The following PIWIL3 variants were observed in gnomAD, a reference collection of about 807,000 sequenced individuals.
The protein encoded by PIWIL3 is piwi-like protein 3.
Under a neutral mutation model 109.7 loss-of-function variants are expected in PIWIL3, and 101 were observed. The observed-to-expected ratio is 0.92, with a 90% CI of 0.78 to 1.09. PIWIL3 has a LOEUF of 1.09. Among genes scored for constraint, PIWIL3 ranks in the 50% least tolerant of loss-of-function variants. The pLI, the probability that PIWIL3 is intolerant of heterozygous loss-of-function variation, is 0.00. For missense variants in PIWIL3, 1,031 were observed against 1,072.6 expected, an observed-to-expected ratio of 0.96 and a Z score of 0.54; for synonymous variants, 373 against 376.4, an observed-to-expected ratio of 0.99 and a Z score of 0.10.
intron 4 of PIWIL3, among the ~76,000 whole-genome samples, chr22:24,757,079 CAAA>C (rs71189275): frequency 9.4e-4 from 86 of 91,718 alleles, no homozygotes; most frequent in African/African-American, 3.7e-3. Flanking sequence ...AACTCCGTCT[CAAA>C]AAAAAAAAAA....
chr22:24,767,226 C>T (rs1158363233), intron 1 of PIWIL3, among the ~76,000 whole-genome samples: 1 of 151,342 alleles, frequency 6.6e-6, no homozygotes, highest in Non-Finnish European at 1.5e-5. Flanking sequence ...AAAGCCTGAA[C>T]CTGCTAAGCA....
In PIWIL3 at chr22:24,719,275, G is replaced by T; in HGVS notation, c.*197C>A. The T allele has an allele frequency of 3.2e-6, 1 of 314,240 alleles. No individual in the cohort carries two copies. The allele number at this position is 314,240 out of a possible 1,614,324, so 19.5% of individuals were successfully genotyped here. A position where few individuals can be genotyped will look rare whatever the true frequency, so the allele number is the denominator to read the frequency against. ...GGAAACTGCAAGCCAAACCCTGTCA[G>T]TTCTCCTCTCTGGAAAAATCAGTCT... On this transcript the variant is annotated 3_prime_UTR_variant, in exon 21 of 21. Transcript: ENST00000616349.
intron 14 of PIWIL3, among the ~76,000 whole-genome samples, chr22:24,732,729 A>T (rs1468081853): frequency 6.6e-6 from 1 of 152,206 alleles, no homozygotes; most frequent in African/African-American, 2.4e-5. Context: ...AGGCTGAGGC[A>T]GGAGAATGGC....
At chr22:24,726,026 G>A (rs1415046259) in intron 16 of PIWIL3, among the ~76,000 whole-genome samples, 3 of 152,144 alleles carry the variant, frequency 2.0e-5, no homozygotes, top group African/African-American at 7.2e-5. Context: ...CTGACCACCT[G>A]ACATTGTGAT....
chr22:24,764,625 CGTGTGTGTGTGTGTGTGTGTGTGT>C (rs140531011), intron 1 of PIWIL3, among the ~76,000 whole-genome samples: 3 of 134,622 alleles, frequency 2.2e-5, no homozygotes, highest in South Asian at 2.5e-4. Context: ...TTGACCTTGC[CGTGTGTGTGTGTGTGTGTGTGTGT>C]GTGTGTGTGT....
In PIWIL3 at chr22:24,728,228, G is replaced by C. The variant is rs760987941; in HGVS notation, c.1854C>G (p.Ala618=). ...CTCCCATCTTGCAATTCATCTGCTG[G>C]GCAATCTTGGTGACGATGGTCCTTG... ...VQARTIVTKI[A]QQMNCKMGGA... is the part of the protein sequence containing the mutation. Residue 618 remains alanine (A), a synonymous_variant, in exon 15 of 21, where the codon GCC becomes GCG. Transcript: ENST00000616349. 10 of 1,614,126 alleles carry C rather than the reference G, an allele frequency of 6.2e-6. No individual in the cohort carries two copies. Among genetic ancestry groups the C allele is most frequent in the Non-Finnish European group, 8.5e-6 (10 of 1,180,026 alleles).
chr22:24,754,098 A>G lies in PIWIL3; in HGVS notation c.893T>C (p.Ile298Thr). 1.2e-6 allele frequency: 2 copies of G among 1,613,308 alleles called. No individual in the cohort carries two copies. Among genetic ancestry groups the G allele is most frequent in the Non-Finnish European group, 1.7e-6 (2 of 1,179,214 alleles). Residue 298 changes from isoleucine to threonine, a missense_variant, in exon 8 of 21, where the codon ATA becomes ACA. Physicochemically the swap from Ile to Thr is moderately conservative, Grantham distance 89. Coordinates refer to ENST00000616349, the MANE Select transcript of PIWIL3 (RefSeq NM_001255975.1). Reference sequence around the variant, plus strand: ...CTGGGCCTGGGCAGATGTTCTCTTTATGAAATCATAAGCAGTTTCTATTCG... The same window carrying G: ...CTGGGCCTGGGCAGATGTTCTCTTTGTGAAATCATAAGCAGTTTCTATTCG... Reference protein sequence around the residue: ...LLRIETAYDFIKRTSAQAQTG... With the variant: ...LLRIETAYDFTKRTSAQAQTG...
chr22:24,772,603 G>A (rs1015439513), intron 1 of PIWIL3, among the ~76,000 whole-genome samples: 6 of 152,176 alleles, frequency 3.9e-5, no homozygotes, highest in African/African-American at 1.4e-4. Flanking sequence ...CTACCACAGT[G>A]GAGAAGAGCC....
chr22:24,749,708 G>C lies in PIWIL3; in HGVS notation c.1201C>G (p.Leu401Val). 3 of 1,613,860 alleles carry C rather than the reference G, an allele frequency of 1.9e-6. No individual in the cohort carries two copies. In the African/African-American group the frequency reaches 4.0e-5, roughly 22 times the overall value. Residue 401 changes from leucine (L) to valine (V), a missense_variant, in exon 10 of 21, where the codon CTG becomes GTG. Leu to Val is a conservative substitution (Grantham distance 32). Transcript: ENST00000616349. Reference protein sequence around the residue: ...QREPILLIPQLCHMTGLTDEI... With the variant: ...QREPILLIPQVCHMTGLTDEI... The stretch of plus-strand genomic sequence containing the variant: ...CCATCAGTACCTGTCATGTGGCACA[G>C]CTGAGGAATCAGCAGGATAGGTTCA...
At chr22:24,745,634 A>G (rs969531764) in intron 12 of PIWIL3, among the ~76,000 whole-genome samples, 2 of 152,000 alleles carry the variant, frequency 1.3e-5, no homozygotes, top group African/African-American at 4.8e-5. Flanking sequence ...AATGAAATTA[A>G]AATGAAGAAA....
chr22:24,721,673 G>A (rs540820135), intron 19 of PIWIL3, among the ~76,000 whole-genome samples: 5 of 151,634 alleles, frequency 3.3e-5, no homozygotes, highest in East Asian at 1.9e-4. Context: ...ATTTTTCTTC[G>A]TTTTGACTAT....
At position 24,754,234 on chromosome 22, in the gene PIWIL3, G is replaced by A. The variant is rs1924879440; in HGVS notation, c.774-17C>T. The A allele has an allele frequency of 6.3e-7, 1 of 1,593,752 alleles. No homozygotes were observed. The highest frequency in any genetic ancestry group is 8.6e-7 in the Non-Finnish European group (1 of 1,162,168). ...AAACTGGTACTAGAATAAATTACAT[G>A]AGAGTATTAGTCCGATCTCTTCACA... On this transcript the variant is annotated splice_polypyrimidine_tract_variant and intron_variant, in intron 7 of 20. Coordinates refer to ENST00000616349, the MANE Select transcript of PIWIL3 (RefSeq NM_001255975.1).
chr22:24,740,226 A>G (rs1434749040), intron 12 of PIWIL3, among the ~76,000 whole-genome samples: 1 of 150,256 alleles, frequency 6.7e-6, no homozygotes, highest in Admixed American at 6.6e-5. Flanking sequence ...CTCAAAAAAA[A>G]AAAAAAAATT....
Position 24,745,979 on chromosome 22 carries a change from AGAAAAGCCCAG to A in PIWIL3, c.1449+2917_1449+2927del, listed in dbSNP as rs1924345150. ...AGAGATGTAATAAAAAGTTTCCCAA[AGAAAAGCCCAG>A]GACCTGATCGCTTCACTGCTGAATT... On this transcript the variant is annotated intron_variant, in intron 12 of 20. Coordinates refer to ENST00000616349, the MANE Select transcript of PIWIL3 (RefSeq NM_001255975.1). Among the ~76,000 whole-genome samples, 6 of 152,190 alleles carry A rather than the reference AGAAAAGCCCAG, an allele frequency of 3.9e-5. No homozygotes were observed. The South Asian group carries it at 1.2e-3, about 32-fold the overall frequency.
rs1923521853 is a variant in PIWIL3 at position 24,734,238 on chromosome 22, T to A, written c.1635-82A>T. 18 of 1,527,982 alleles carry A rather than the reference T, an allele frequency of 1.2e-5. No individual in the cohort carries two copies. The South Asian group carries it at 2.2e-4, about 19-fold the overall frequency. The allele number at this position is 1,527,982 out of a possible 1,614,324, so 94.7% of individuals were successfully genotyped here. A position where few individuals can be genotyped will look rare whatever the true frequency, so the allele number is the denominator to read the frequency against. ...TTCACCCAGCAAATTAAATACAAAG[T>A]AAGACATGATAAAATACCAAGATAT... On this transcript the variant is annotated intron_variant, in intron 13 of 20. Coordinates refer to ENST00000616349, the MANE Select transcript of PIWIL3 (RefSeq NM_001255975.1).
intron 14 of PIWIL3, among the ~76,000 whole-genome samples, chr22:24,732,475 G>C (rs116876613): frequency 9.5e-4 from 144 of 152,234 alleles, no homozygotes; most frequent in Non-Finnish European, 1.8e-3. Flanking sequence ...AGTAAAAGTA[G>C]GACAAGTTCT....
At chr22:24,768,175 A>T (rs1363736241) in intron 1 of PIWIL3, among the ~76,000 whole-genome samples, 2 of 152,164 alleles carry the variant, frequency 1.3e-5, no homozygotes, top group African/African-American at 4.8e-5. Flanking sequence ...TTTTGTGACC[A>T]TCACAAAAAG....
rs745953576 is a variant in PIWIL3 at position 24,725,512 on chromosome 22, C to T, written c.2013G>A (p.Trp671Ter). Residue 671 changes from tryptophan (W) to a stop codon, truncating the protein, a stop_gained, in exon 17 of 21, where the codon TGG (tryptophan) becomes TGA (stop). Transcript: ENST00000616349. LOFTEE classifies it high-confidence loss of function. ...TTTTCTGGATGACACATTGAGAGTA[C>T]CACCTGTTCACAGAAAAACCACCAG... ...VASTNAELTK[W>*]YSQCVIQKTG... is the part of the protein sequence containing the mutation. The T allele has an allele frequency of 1.2e-6, 2 of 1,614,004 alleles. No homozygotes were observed. The highest frequency in any genetic ancestry group is 4.5e-5 in the East Asian group (2 of 44,892).
chr22:24,745,719 A>G (rs1924321535), intron 12 of PIWIL3, among the ~76,000 whole-genome samples: 1 of 48,888 alleles, frequency 2.0e-5, no homozygotes, highest in African/African-American at 1.4e-4. Context: ...CAGACTAAGA[A>G]AAAAAAAAAA....
Sources: allele counts gnomAD v4.1 joint callset (sites outside exome capture counted in the v4.1 genomes callset), GRCh38; gene constraint gnomAD v4.1.1; transcripts MANE v1.5; gene names NCBI Gene and HGNC (gene_info 2026-07-23, HGNC 2026-07-21).